Variants in CHSY3 observed in about 807,000 individuals in gnomAD.
CHSY3 encodes the protein chondroitin sulfate synthase 3, also known as N-acetylgalactosaminyl-proteoglycan 3-beta-glucuronosyltransferase 3.
In CHSY3, 35 loss-of-function variants were observed where a neutral mutation model predicts 67.2. The observed-to-expected ratio is 0.52, with a 90% confidence interval of 0.40 to 0.69. CHSY3 has a LOEUF of 0.69. Among genes scored for constraint, CHSY3 ranks in the 30% least tolerant of loss-of-function variants. The pLI, the probability that CHSY3 is intolerant of heterozygous loss-of-function variation, is 0.00. For missense variants in CHSY3, 1,069 were observed against 1,138.5 expected (o/e 0.94, Z 0.88); for synonymous variants, 474 against 434.7 (o/e 1.09, Z -1.12).
chr5:129,943,046 T>G (rs550738845), intron 2 of CHSY3, among the ~76,000 whole-genome samples: 143 of 152,308 alleles, frequency 9.4e-4, no homozygotes, highest in African/African-American at 3.3e-3. Flanking sequence ...ATTGGCACAT[T>G]GAACAGATTC....
At chr5:130,147,473 G>T (rs977471209) in intron 2 of CHSY3, among the ~76,000 whole-genome samples, 4 of 152,312 alleles carry the variant, frequency 2.6e-5, no homozygotes, top group Admixed American at 6.5e-5. Context: ...ATCAGAAAAT[G>T]ACGTTCCTTT....
Position 130,122,158 on chromosome 5 carries a change from AATATATAC to A in CHSY3, c.1087-62059_1087-62052del, listed in dbSNP as rs202043199. On this transcript the variant is annotated intron_variant, in intron 2 of 2. Coordinates refer to ENST00000305031, the MANE Select transcript of CHSY3 (RefSeq NM_175856.5). ...AAACAATTGATATAATAGCTCAACA[AATATATAC>A]ATATATACATACATACATGCATACA... Among the ~76,000 whole-genome samples, 1,489 of 152,342 alleles carry A rather than the reference AATATATAC, an allele frequency of 9.8e-3. 29 individuals carry two copies. Among genetic ancestry groups the A allele is most frequent in the African/African-American group, 0.034 (1,416 of 41,570 alleles).
chr5:129,981,145 C>T (rs1457722333), intron 2 of CHSY3, among the ~76,000 whole-genome samples: 2 of 151,314 alleles, frequency 1.3e-5, no homozygotes, highest in Admixed American at 6.6e-5. Context: ...GGCGTGAACC[C>T]GGGGGGCGGA....
chr5:129,906,460 T>G (rs1760305749), intron 1 of CHSY3, among the ~76,000 whole-genome samples: 1 of 152,230 alleles, frequency 6.6e-6, no homozygotes, highest in Non-Finnish European at 1.5e-5. Flanking sequence ...GTGCATTTTG[T>G]TGGCCGCGGT....
At chr5:130,129,170 A>C (rs1480314952) in intron 2 of CHSY3, among the ~76,000 whole-genome samples, 1 of 152,172 alleles carries the variant, frequency 6.6e-6, no homozygotes, top group African/African-American at 2.4e-5. Flanking sequence ...TCCATTACTT[A>C]GTATGCCCAA....
intron 2 of CHSY3, among the ~76,000 whole-genome samples, chr5:130,006,476 A>G (rs1763880076): frequency 6.6e-6 from 1 of 152,202 alleles, no homozygotes; most frequent in Non-Finnish European, 1.5e-5. Flanking sequence ...ATCTGGGTTG[A>G]GGTAATATGT....
chr5:130,009,425 T>G (rs1429880317), intron 2 of CHSY3, among the ~76,000 whole-genome samples: 1 of 151,880 alleles, frequency 6.6e-6, no homozygotes, highest in Admixed American at 6.6e-5. Flanking sequence ...GCTAAGAGAA[T>G]TCATTACCAC....
intron 2 of CHSY3, among the ~76,000 whole-genome samples, chr5:130,015,771 A>G (rs533030621): frequency 2.0e-5 from 3 of 152,348 alleles, no homozygotes; most frequent in African/African-American, 7.2e-5. Context: ...TACTGTAAAG[A>G]TACATGCCCC....
At chr5:130,018,053 T>G (rs1358767576) in intron 2 of CHSY3, among the ~76,000 whole-genome samples, 1 of 152,200 alleles carries the variant, frequency 6.6e-6, no homozygotes, top group Non-Finnish European at 1.5e-5. Flanking sequence ...CAAAGTAGGT[T>G]GTAGAGGTAC....
chr5:130,041,726 T>G (rs934325377), intron 2 of CHSY3, among the ~76,000 whole-genome samples: 5 of 152,114 alleles, frequency 3.3e-5, no homozygotes, highest in African/African-American at 1.2e-4. Context: ...AAATATTGCT[T>G]AATTTTGAAA....
Position 130,151,385 on chromosome 5 carries a change from A to G in CHSY3, c.1087-32844A>G, listed in dbSNP as rs146527930. On this transcript the variant is annotated intron_variant, in intron 2 of 2. Transcript: ENST00000305031. ...TAGTTAGTGTGGGATAGAAGATCCA[A>G]TGAACAGCATGAACTTCAGAAAGCA... 2.0e-3 allele frequency among the ~76,000 whole-genome samples: 299 copies of G among 152,332 alleles called. 2 individuals are homozygous for G. Among genetic ancestry groups the G allele is most frequent in the Middle Eastern group, 6.8e-3 (2 of 294 alleles).
At chr5:130,050,383 A>T (rs1014262596) in intron 2 of CHSY3, among the ~76,000 whole-genome samples, 2 of 152,110 alleles carry the variant, frequency 1.3e-5, no homozygotes, top group African/African-American at 4.8e-5. Flanking sequence ...ATTAGAAATG[A>T]CATCATCTGG....
At chr5:130,144,317 G>T (rs897986163) in intron 2 of CHSY3, among the ~76,000 whole-genome samples, 7 of 151,950 alleles carry the variant, frequency 4.6e-5, no homozygotes, top group Non-Finnish European at 8.8e-5. Flanking sequence ...CAAATATATG[G>T]TTATTTGCTG....
chr5:129,998,984 G>T (rs1461787207), intron 2 of CHSY3, among the ~76,000 whole-genome samples: 1 of 151,904 alleles, frequency 6.6e-6, no homozygotes, highest in Non-Finnish European at 1.5e-5. Context: ...CATACAGAAA[G>T]GATTTCCTAC....
chr5:130,001,095 T>C (rs1763715179), intron 2 of CHSY3, among the ~76,000 whole-genome samples: 2 of 151,508 alleles, frequency 1.3e-5, no homozygotes, highest in South Asian at 4.2e-4. Context: ...TTAGCCAGGC[T>C]GGTCTTTATC....
chr5:129,914,489 G>A (rs1042454108), intron 2 of CHSY3, among the ~76,000 whole-genome samples: 1 of 152,090 alleles, frequency 6.6e-6, no homozygotes, highest in Non-Finnish European at 1.5e-5. Flanking sequence ...TCATATATAT[G>A]AAAAAGTATA....
chr5:130,137,830 T>A (rs1316587859), intron 2 of CHSY3, among the ~76,000 whole-genome samples: 1 of 152,240 alleles, frequency 6.6e-6, no homozygotes, highest in Non-Finnish European at 1.5e-5. Flanking sequence ...CTGTAACGTC[T>A]GGAGGGAGTT....
chr5:129,994,718 T>TA (rs1210514738), intron 2 of CHSY3, among the ~76,000 whole-genome samples: 3 of 152,128 alleles, frequency 2.0e-5, no homozygotes, highest in South Asian at 2.1e-4. Context: ...TATGCAGCCA[T>TA]AAAAAACGAT....
chr5:130,172,906 T>C (rs913102730), intron 2 of CHSY3, among the ~76,000 whole-genome samples: 2 of 152,192 alleles, frequency 1.3e-5, no homozygotes, highest in African/African-American at 4.8e-5. Flanking sequence ...TCAAGTTTCA[T>C]CCATATTGTA....
Sources: gnomAD v4.1 joint callset for allele counts (sites outside exome capture counted in the v4.1 genomes callset) on GRCh38, gnomAD v4.1.1 for gene constraint, MANE v1.5 for transcripts, NCBI Gene and HGNC (gene_info 2026-07-23, HGNC 2026-07-21) for gene names.